The following LRRTM4 variants were observed in gnomAD, a reference collection of about 807,000 sequenced individuals.
LRRTM4 encodes leucine rich repeat transmembrane neuronal 4, also known as leucine-rich repeat transmembrane neuronal protein 4.
LRRTM4 carries 25 observed loss-of-function variants against 47.6 expected under a neutral mutation model. The ratio of observed to expected loss-of-function variants is 0.53; its 90% CI spans 0.38 to 0.73. The LOEUF is 0.73. LRRTM4 is among the 30% of genes least tolerant of loss of function. The probability of loss-of-function intolerance (pLI) is 0.00; values close to 1 mark genes in which losing one functional copy is unlikely to be tolerated. For synonymous variants in LRRTM4, 311 were observed against 269.5 expected, an observed-to-expected ratio of 1.15 and a Z score of -1.51; for missense variants, 638 against 713.4, an observed-to-expected ratio of 0.89 and a Z score of 1.20.
intron 3 of LRRTM4, among the ~76,000 whole-genome samples, chr2:77,101,505 T>A (rs905999217): frequency 2.6e-5 from 4 of 152,218 alleles, no homozygotes; most frequent in Non-Finnish European, 5.9e-5. Flanking sequence ...TATCCAAATA[T>A]GGCATTTCCT....
At chr2:77,308,695 C>A (rs1214263264) in intron 3 of LRRTM4, among the ~76,000 whole-genome samples, 1 of 152,150 alleles carries the variant, frequency 6.6e-6, no homozygotes, top group Non-Finnish European at 1.5e-5. Flanking sequence ...CCACAGCAAT[C>A]CATGTACATT....
intron 3 of LRRTM4, among the ~76,000 whole-genome samples, chr2:76,841,072 A>T (rs1011540438): frequency 6.7e-6 from 1 of 149,500 alleles, no homozygotes; most frequent in African/African-American, 2.5e-5. Context: ...TGGCACATAG[A>T]CACCATGGAA....
intron 3 of LRRTM4, chr2:77,009,117 G>A (rs1411396797): frequency 6.6e-6 from 1 of 152,004 alleles, no homozygotes; most frequent in African/African-American, 2.4e-5. Flanking sequence ...GAAAAAGTTT[G>A]TCAAAATCAC....
At chr2:77,006,736 G>A (rs939445495) in intron 3 of LRRTM4, among the ~76,000 whole-genome samples, 2 of 152,108 alleles carry the variant, frequency 1.3e-5, no homozygotes, top group Admixed American at 6.6e-5. Context: ...GAGGGATTGC[G>A]ACTGGACATT....
intron 3 of LRRTM4, among the ~76,000 whole-genome samples, chr2:76,851,384 T>G (rs887009475): frequency 2.0e-5 from 3 of 151,976 alleles, no homozygotes; most frequent in African/African-American, 4.8e-5. Context: ...ATAGCAGGGG[T>G]TTTGCTGCAA....
chr2:76,929,925 T>TTGTGTGTGTGTG (rs3055992), intron 3 of LRRTM4, among the ~76,000 whole-genome samples: 25 of 149,316 alleles, frequency 1.7e-4, no homozygotes, highest in Middle Eastern at 3.4e-3. Flanking sequence ...CAATTAGAGT[T>TTGTGTGTGTGTG]TGTGTGTGTG....
chr2:76,944,372 A>G (rs563919939), intron 3 of LRRTM4, among the ~76,000 whole-genome samples: 54 of 152,266 alleles, frequency 3.5e-4, no homozygotes, highest in African/African-American at 1.3e-3. Flanking sequence ...CCAGCACCAA[A>G]AAACACACTG....
At chr2:77,003,052 C>T (rs1677490620) in intron 3 of LRRTM4, among the ~76,000 whole-genome samples, 1 of 151,964 alleles carries the variant, frequency 6.6e-6, no homozygotes, top group Non-Finnish European at 1.5e-5. Flanking sequence ...ATAGTGGGTA[C>T]TCAGTATAAT....
chr2:76,974,155 C>T (rs1340082530), intron 3 of LRRTM4, among the ~76,000 whole-genome samples: 3 of 128,302 alleles, frequency 2.3e-5, no homozygotes, highest in African/African-American at 9.4e-5. Context: ...TATATACATA[C>T]ATATATATAT....
At chr2:76,815,701 T>G (rs1670877869) in intron 3 of LRRTM4, among the ~76,000 whole-genome samples, 1 of 152,126 alleles carries the variant, frequency 6.6e-6, no homozygotes, top group African/African-American at 2.4e-5. Flanking sequence ...CAGATTGCTT[T>G]CTGAAGGCAA....
chr2:76,893,998 C>G (rs879598977), intron 3 of LRRTM4, among the ~76,000 whole-genome samples: 4 of 151,756 alleles, frequency 2.6e-5, no homozygotes, highest in Admixed American at 2.6e-4. Flanking sequence ...AGGCAACAGT[C>G]AATAACATTC....
At chr2:76,982,869 G>C (rs1338435556) in intron 3 of LRRTM4, among the ~76,000 whole-genome samples, 1 of 151,948 alleles carries the variant, frequency 6.6e-6, no homozygotes, top group Non-Finnish European at 1.5e-5. Flanking sequence ...GGGGCAGAGA[G>C]TCACAATTTA....
chr2:76,834,010 CATTTATTTATTATTTATTTATTT>C (rs1671434076), intron 3 of LRRTM4, among the ~76,000 whole-genome samples: 1 of 130,676 alleles, frequency 7.7e-6, no homozygotes, highest in Non-Finnish European at 1.6e-5. Context: ...CCTTGTTTTT[CATTTATTTATTATTTATTTATTT>C]ATTTATTTAT....
chr2:77,468,801 C>G (rs999665470), intron 3 of LRRTM4, among the ~76,000 whole-genome samples: 5 of 152,188 alleles, frequency 3.3e-5, no homozygotes, highest in Non-Finnish European at 7.3e-5. Context: ...TACCCCTACA[C>G]AGGCCATATC....
chr2:76,927,902 A>G (rs1381491210), intron 3 of LRRTM4, among the ~76,000 whole-genome samples: 1 of 152,150 alleles, frequency 6.6e-6, no homozygotes, highest in African/African-American at 2.4e-5. Flanking sequence ...CTGACTAGGA[A>G]GCAACACGAT....
chr2:76,936,909 G>A (rs1674969803), intron 3 of LRRTM4, among the ~76,000 whole-genome samples: 1 of 123,422 alleles, frequency 8.1e-6, no homozygotes, highest in African/African-American at 3.2e-5. Context: ...GAGCCGAGAT[G>A]GCATCACTGC....
intron 3 of LRRTM4, among the ~76,000 whole-genome samples, chr2:77,485,148 A>G (rs1255927651): frequency 6.6e-6 from 1 of 151,968 alleles, no homozygotes; most frequent in East Asian, 1.9e-4. Context: ...CTAGACTCCT[A>G]AATATAAAAT....
chr2:77,265,353 G>C (rs1676022970), intron 3 of LRRTM4, among the ~76,000 whole-genome samples: 1 of 152,050 alleles, frequency 6.6e-6, no homozygotes, highest in African/African-American at 2.4e-5. Context: ...CAGTCATGAG[G>C]TCTCTGCCCT....
chr2:76,755,163 A>G (rs977211561), intron 3 of LRRTM4, among the ~76,000 whole-genome samples: 1 of 152,300 alleles, frequency 6.6e-6, no homozygotes, highest in East Asian at 1.9e-4. Flanking sequence ...TTATCTTAGT[A>G]GTCTATCCCT....
Sources: allele counts gnomAD v4.1 joint callset (sites outside exome capture counted in the v4.1 genomes callset), GRCh38; gene constraint gnomAD v4.1.1; transcripts MANE v1.5; gene names NCBI Gene and HGNC (gene_info 2026-07-23, HGNC 2026-07-21).